The following RTN2 variants were observed in gnomAD, a reference collection of about 807,000 sequenced individuals.
RTN2 encodes reticulon-2.
Under a neutral mutation model 63.7 loss-of-function variants are expected in RTN2, and 36 were observed. The observed-to-expected ratio is 0.56, with a 90% confidence interval of 0.43 to 0.75. The LOEUF (loss-of-function observed/expected upper bound fraction) is 0.75, where lower values mean the gene tolerates loss of function less well. Among genes scored for constraint, RTN2 ranks in the 30% least tolerant of loss-of-function variants. The pLI, the probability that RTN2 is intolerant of heterozygous loss-of-function variation, is 0.00. For missense variants in RTN2, 673 were observed against 705.1 expected, an observed-to-expected ratio of 0.95 and a Z score of 0.52; for synonymous variants, 312 against 313.0, an observed-to-expected ratio of 1.00 and a Z score of 0.03.
intron 5 of RTN2, among the ~76,000 whole-genome samples, 192 bp from the exon 6 acceptor site, chr19:45,489,745 C>A (rs1599908646): frequency 6.9e-6 from 1 of 144,450 alleles, no homozygotes. Flanking sequence ...GTGGTGCAAT[C>A]ATAGCTCACT....
chr19:45,489,627 C>A, intron 5 of RTN2, 74 bp from the exon 6 acceptor site: 1 of 1,052,428 alleles, frequency 9.5e-7, no homozygotes, highest in Non-Finnish European at 1.4e-6. Flanking sequence ...CCCTGTCCTA[C>A]AGCTGAAAAT....
At chr19:45,496,075 G>T (rs1419816088) in intron 1 of RTN2, among the ~76,000 whole-genome samples, 1 of 103,956 alleles carries the variant, frequency 9.6e-6, no homozygotes, top group East Asian at 4.3e-4. Context: ...TGTGAGCTCA[G>T]AGATTGTGAG....
At chr19:45,489,625 T>C in intron 5 of RTN2, 72 bp from the exon 6 acceptor site, 1 of 1,100,190 alleles carries the variant, frequency 9.1e-7, no homozygotes, top group East Asian at 2.6e-5. Context: ...TTCCCTGTCC[T>C]ACAGCTGAAA....
Position 45,494,991 on chromosome 19 carries a change from A to G in RTN2, c.94T>C (p.Ser32Pro). 1 of 1,613,264 alleles carries G rather than the reference A, an allele frequency of 6.2e-7. No homozygotes were observed. Among genetic ancestry groups the G allele is most frequent in the Non-Finnish European group, 8.5e-7 (1 of 1,179,386 alleles). The part of the protein sequence containing the change: ...PDSTEGGNDD[S>P]DFRELHTARE... The stretch of plus-strand genomic sequence containing the variant: ...GCTGTGTGCAGCTCTCGAAAATCAG[A>G]GTCGTCGTTCCCTCCTGCAGTGGGT... The change falls in exon 3 of 11, where the codon TCT (serine) becomes CCT (proline). Residue 32 changes from serine (S) to proline (P), a missense_variant. Physicochemically the swap from Ser to Pro is moderately conservative, Grantham distance 74. Coordinates refer to ENST00000245923, the MANE Select transcript of RTN2 (RefSeq NM_005619.5). This position sits in a 1 kb window ranked among gnomAD's most constrained non-coding sequence, Gnocchi z 5.3.
Position 45,486,039 on chromosome 19 carries a change from C to CG in RTN2, c.1556+15dup. The stretch of plus-strand genomic sequence containing the variant: ...CCCACTTCCCCCTCCCATCGACCTC[C>CG]GCCCCATGCTCTTACTTAGCTTTGA... On this transcript the variant is annotated intron_variant, in intron 10 of 10. Transcript: ENST00000245923. The CG allele has an allele frequency of 6.2e-7, 1 of 1,613,230 alleles. No homozygotes were observed. The highest frequency in any genetic ancestry group is 8.5e-7 in the Non-Finnish European group (1 of 1,179,344).
Position 45,493,167 on chromosome 19 carries a change from C to T in RTN2, c.1026G>A (p.Gly342=), listed in dbSNP as rs907213546. The change falls in exon 5 of 11, where the codon GGG becomes GGA. Residue 342 remains glycine, a synonymous_variant. Coordinates refer to ENST00000245923, the MANE Select transcript of RTN2 (RefSeq NM_005619.5). The part of the protein sequence containing the change: ...VPSLSLGADM[G]SKVADLLYWK... ...CCCGTTCCGCAAGCCCACCTTTACT[C>T]CCCATATCGGCTCCGAGTGAGAGGC... is the stretch of plus-strand genomic sequence containing the variant. 2 of 1,611,858 alleles carry T rather than the reference C, an allele frequency of 1.2e-6. No individual in the cohort carries two copies. The highest frequency in any genetic ancestry group is 1.7e-5 in the Admixed American group (1 of 59,884).
rs537146226 is a variant in RTN2, at chr19:45,488,717, AG to A, written c.1381-12del. 6,152 of 1,613,082 alleles carry A rather than the reference AG, an allele frequency of 3.8e-3. 16 individuals are homozygous for A. The highest frequency in any genetic ancestry group is 4.8e-3 in the Non-Finnish European group (5,605 of 1,179,614). On this transcript the variant is annotated splice_polypyrimidine_tract_variant and intron_variant, in intron 7 of 10. Transcript: ENST00000245923. ...GAAGAGGAGGGCCAGCTGGGGGTGA[AG>A]GTCAGGGTCAGCAGAGCCCACCGGG...
In RTN2 at chr19:45,488,547, T is replaced by A. The variant is rs1414037702; in HGVS notation, c.1451-30A>T. 6 of 1,613,814 alleles carry A rather than the reference T, an allele frequency of 3.7e-6. No homozygotes were observed. The East Asian group carries it at 1.3e-4, about 36-fold the overall frequency. ...GGGTACAGAGATGGGGGCGTCAGGG[T>A]GTTCCCAAGAGATGAACAGTTCCAT... On this transcript the variant is annotated intron_variant, in intron 8 of 10. Coordinates refer to ENST00000245923, the MANE Select transcript of RTN2 (RefSeq NM_005619.5).
intron 1 of RTN2, among the ~76,000 whole-genome samples, chr19:45,496,043 G>A (rs1968261860): frequency 6.6e-6 from 1 of 151,470 alleles, no homozygotes; most frequent in Admixed American, 6.6e-5. Context: ...GACAGAGAAC[G>A]GTAGACATGG....
chr19:45,485,984 G>C (rs889246239), intron 10 of RTN2, 71 bp downstream of exon 10: 3 of 1,469,516 alleles, frequency 2.0e-6, no homozygotes, highest in Non-Finnish European at 1.9e-6. Context: ...TGCGGACAGC[G>C]AGAGTAGAAA....
intron 9 of RTN2, among the ~76,000 whole-genome samples, chr19:45,488,183 A>C (rs1001747849): frequency 1.3e-5 from 2 of 150,482 alleles, no homozygotes; most frequent in African/African-American, 4.9e-5. Context: ...AGCCCAGGAA[A>C]CGGAGGTTGC....
At chr19:45,491,204 T>TA (rs1187405588) in intron 5 of RTN2, among the ~76,000 whole-genome samples, 1 of 151,554 alleles carries the variant, frequency 6.6e-6, no homozygotes, top group Non-Finnish European at 1.5e-5. Flanking sequence ...TTTTTTTTTT[T>TA]TTATTTTTAG....
intron 6 of RTN2, 99 bp from the exon 7 acceptor site, chr19:45,489,085 G>C: frequency 7.3e-7 from 1 of 1,376,142 alleles, no homozygotes; most frequent in East Asian, 2.5e-5. Flanking sequence ...GTTGGGAGAA[G>C]ACCAGAGTTA....
intron 5 of RTN2, among the ~76,000 whole-genome samples, chr19:45,492,435 G>A (rs1381372939): frequency 6.6e-6 from 1 of 152,152 alleles, no homozygotes; most frequent in East Asian, 1.9e-4. Flanking sequence ...CTACTTGGGA[G>A]GCTGAGGTGG....
chr19:45,494,319 G>A lies in RTN2; in HGVS notation c.661C>T (p.Pro221Ser). 2 of 1,614,138 alleles carry A rather than the reference G, an allele frequency of 1.2e-6. No homozygotes were observed. The highest frequency in any genetic ancestry group is 1.1e-5 in the South Asian group (1 of 91,084). Residue 221 changes from proline to serine, a missense_variant, in exon 4 of 11, where the codon CCA (proline) becomes TCA (serine). Physicochemically the swap from Pro to Ser is moderately conservative, Grantham distance 74 (BLOSUM62 -1). Coordinates refer to ENST00000245923, the MANE Select transcript of RTN2 (RefSeq NM_005619.5). The surrounding 1 kb of genome is among the most constrained non-coding windows in gnomAD (Gnocchi z 5.3). ...SGTPQAGTPS[P>S]SRSRDSNSGP... The stretch of plus-strand genomic sequence containing the variant: ...GAGTTCGAATCTCGCGATCGGGATG[G>A]GGACGGAGTACCGGCCTGGGGTGTC...
chr19:45,489,229 G>C lies in RTN2; in HGVS notation c.1241+117C>G, dbSNP rs1968096765. The stretch of plus-strand genomic sequence containing the variant: ...ATTGAAGGGTAGGTTAGGGGATCGG[G>C]ATGAAAAATGATCAAGATGAGTCGG... On this transcript the variant is annotated intron_variant, in intron 6 of 10. Coordinates refer to ENST00000245923, the MANE Select transcript of RTN2 (RefSeq NM_005619.5). The C allele has an allele frequency of 3.9e-6, 4 of 1,013,628 alleles. No homozygotes were observed. The East Asian group carries it at 7.9e-5, about 20-fold the overall frequency. 62.8% of individuals were successfully genotyped at this position (1,013,628 alleles called of 1,614,324 possible).
In RTN2 at chr19:45,485,572, A is replaced by G; in HGVS notation, c.*136T>C. ...CTCAGGTAATTAGCGCAGAGTCCCT[A>G]GTGGGAGTGATCCTGACACCCACCG... On this transcript the variant is annotated 3_prime_UTR_variant, in exon 11 of 11. Transcript: ENST00000245923. 1.4e-6 allele frequency: 1 copy of G among 695,388 alleles called. No individual in the cohort carries two copies. The highest frequency in any genetic ancestry group is 2.6e-6 in the Non-Finnish European group (1 of 389,328). The allele number at this position is 695,388 out of a possible 1,614,324, so 43.1% of individuals were successfully genotyped here.
In RTN2 at chr19:45,486,042, C is replaced by T; in HGVS notation, c.1556+13G>A. ...ACTTCCCCCTCCCATCGACCTCCGC[C>T]CCATGCTCTTACTTAGCTTTGATGT... On this transcript the variant is annotated intron_variant, in intron 10 of 10. Coordinates refer to ENST00000245923, the MANE Select transcript of RTN2 (RefSeq NM_005619.5). The T allele has an allele frequency of 6.2e-7, 1 of 1,613,634 alleles. No individual in the cohort carries two copies. The highest frequency in any genetic ancestry group is 2.2e-5 in the East Asian group (1 of 44,884).
intron 5 of RTN2, among the ~76,000 whole-genome samples, chr19:45,492,833 G>A (rs924614868): frequency 3.9e-5 from 6 of 152,166 alleles, no homozygotes; most frequent in African/African-American, 1.4e-4. Flanking sequence ...CCTGAGGCGG[G>A]GGCTAAGTTT....
Sources: allele counts gnomAD v4.1 joint callset (sites outside exome capture counted in the v4.1 genomes callset), GRCh38; gene constraint gnomAD v4.1.1; non-coding constraint Gnocchi (gnomAD v3.1); transcripts MANE v1.5; gene names NCBI Gene and HGNC (gene_info 2026-07-23, HGNC 2026-07-21).